DPY19L1: variants seen among roughly 807,000 people sequenced by gnomAD.
The protein encoded by DPY19L1 is dpy-19 like C-mannosyltransferase 1.
DPY19L1 carries 35 observed loss-of-function variants against 96.9 expected under a neutral mutation model. The ratio of observed to expected loss-of-function variants is 0.36; its 90% CI spans 0.28 to 0.48. The LOEUF is 0.48. DPY19L1 is among the 20% of genes least tolerant of loss of function. The probability of loss-of-function intolerance (pLI) is 0.99; values close to 1 mark genes in which losing one functional copy is unlikely to be tolerated. For synonymous variants in DPY19L1, 205 were observed against 252.6 expected (o/e 0.81, Z 1.79); for missense variants, 521 against 777.9 (o/e 0.67, Z 3.93).
At chr7:34,967,329 A>G (rs1784632512) in intron 9 of DPY19L1, among the ~76,000 whole-genome samples, 1 of 152,192 alleles carries the variant, frequency 6.6e-6, no homozygotes, top group Non-Finnish European at 1.5e-5. Flanking sequence ...CAACTAATAC[A>G]TAATTGGGGA....
At position 34,990,029 on chromosome 7, in the gene DPY19L1, GTATTA is replaced by G. The variant is rs1482147129; in HGVS notation, c.765-93_765-89del. On this transcript the variant is annotated intron_variant, in intron 6 of 21. Transcript: ENST00000638088. ...AAAACACATAATATCATAACCACTG[GTATTA>G]TATAAGATTTTATAGTCATACTAGA... The G allele has an allele frequency of 9.0e-6, 9 of 995,472 alleles. No individual in the cohort carries two copies. In the African/African-American group the frequency reaches 1.5e-4, roughly 17 times the overall value. 61.7% of individuals were successfully genotyped at this position (995,472 alleles called of 1,614,324 possible). A position where few individuals can be genotyped will look rare whatever the true frequency, so the allele number is the denominator to read the frequency against.
At chr7:34,945,853 A>C in intron 15 of DPY19L1, 137 bp from the exon 16 acceptor site, 1 of 659,804 alleles carries the variant, frequency 1.5e-6, no homozygotes, top group Non-Finnish European at 2.7e-6. Context: ...AATAATCACA[A>C]CAACATAATC....
At chr7:34,956,305 T>C (rs1018827085) in intron 11 of DPY19L1, among the ~76,000 whole-genome samples, 2 of 146,384 alleles carry the variant, frequency 1.4e-5, no homozygotes, top group East Asian at 2.0e-4. Flanking sequence ...ACTGAGTACT[T>C]TGTCACCTTT....
chr7:34,986,183 C>G (rs2128671375), intron 7 of DPY19L1, among the ~76,000 whole-genome samples: 1 of 152,056 alleles, frequency 6.6e-6, no homozygotes, highest in Middle Eastern at 3.4e-3. Context: ...AGATGTTGAT[C>G]CACAGATATA....
rs565230844 is a variant in DPY19L1, at chr7:34,967,472, TATA to T, written c.1015-504_1015-502del. ...TTAATACAAATATTCAAGAGTTAGT[TATA>T]ATCAAATTTATCAATTTCAAATTAA... On this transcript the variant is annotated intron_variant, in intron 9 of 21. Transcript: ENST00000638088. Among the ~76,000 whole-genome samples the T allele has an allele frequency of 9.8e-4, 149 of 152,324 alleles. 1 individual carries two copies. The highest frequency in any genetic ancestry group is 7.9e-3 in the South Asian group (38 of 4,826).
intron 7 of DPY19L1, among the ~76,000 whole-genome samples, chr7:34,989,514 G>A (rs62461958): frequency 0.2 from 29,805 of 151,860 alleles, 3,297 homozygotes; most frequent in Admixed American, 0.35. Flanking sequence ...TACTCTGGAA[G>A]CTGATTCTGA....
chr7:34,988,297 A>G (rs1054138972), intron 7 of DPY19L1: 40 of 152,198 alleles, frequency 2.6e-4, no homozygotes, highest in African/African-American at 8.4e-4. Flanking sequence ...GTTAACACAC[A>G]ATGCTTCTTT....
chr7:34,985,165 G>A (rs1314940702), intron 7 of DPY19L1, among the ~76,000 whole-genome samples: 1 of 152,120 alleles, frequency 6.6e-6, no homozygotes, highest in Non-Finnish European at 1.5e-5. Context: ...TGTCTTCTTT[G>A]AAATGCTACT....
At chr7:34,959,676 G>A (rs1784450251) in intron 10 of DPY19L1, among the ~76,000 whole-genome samples, 1 of 148,644 alleles carries the variant, frequency 6.7e-6, no homozygotes, top group Non-Finnish European at 1.5e-5. Flanking sequence ...AGAACACATG[G>A]ACACAGGGAG....
intron 6 of DPY19L1, among the ~76,000 whole-genome samples, chr7:34,999,178 C>T (rs13309938): frequency 6.6e-6 from 1 of 152,046 alleles, no homozygotes; most frequent in Non-Finnish European, 1.5e-5. Flanking sequence ...TGACCTTTTA[C>T]GGGACTAAAG....
chr7:35,022,571 C>T (rs1231008597), intron 1 of DPY19L1, among the ~76,000 whole-genome samples: 1 of 152,204 alleles, frequency 6.6e-6, no homozygotes, highest in Admixed American at 6.5e-5. Context: ...TTACTAGACT[C>T]TTGTTTAAAC....
At chr7:35,002,443 G>T (rs187729988) in intron 6 of DPY19L1, among the ~76,000 whole-genome samples, 9 of 152,034 alleles carry the variant, frequency 5.9e-5, no homozygotes, top group African/African-American at 2.2e-4. Context: ...GGAAAAAAAA[G>T]AAAATTAGAG....
chr7:34,987,575 A>C (rs563641868), intron 7 of DPY19L1, among the ~76,000 whole-genome samples: 1 of 152,112 alleles, frequency 6.6e-6, no homozygotes, highest in Admixed American at 6.6e-5. Context: ...GTAACAATTG[A>C]GAACTATTCT....
intron 6 of DPY19L1, among the ~76,000 whole-genome samples, chr7:35,007,243 G>A (rs1295373492): frequency 6.6e-6 from 1 of 152,146 alleles, no homozygotes; most frequent in African/African-American, 2.4e-5. Flanking sequence ...TTCAGTTAAC[G>A]ATGCCTTTGA....
At chr7:34,973,691 T>C in intron 7 of DPY19L1, 86 bp from the exon 8 acceptor site, 1 of 675,762 alleles carries the variant, frequency 1.5e-6, no homozygotes, top group Non-Finnish European at 2.2e-6. Flanking sequence ...AATAAAATTA[T>C]TTTTAACAAA....
chr7:34,992,370 A>G (rs533949576), intron 6 of DPY19L1, among the ~76,000 whole-genome samples: 1 of 152,276 alleles, frequency 6.6e-6, no homozygotes, highest in Non-Finnish European at 1.5e-5. Context: ...ATAACATTTA[A>G]AAGCTGTCCA....
At chr7:34,955,277 A>AATT (rs1348279602) in intron 12 of DPY19L1, 31 bp downstream of exon 12, 1 of 1,557,812 alleles carries the variant, frequency 6.4e-7, no homozygotes, top group African/African-American at 1.4e-5. Context: ...GAGAAGAAAA[A>AATT]ACATAAGCAT....
intron 1 of DPY19L1, 31 bp downstream of exon 1, chr7:35,037,066 T>C: frequency 4.7e-6 from 1 of 212,232 alleles, no homozygotes; most frequent in Non-Finnish European, 9.4e-6. Context: ...AAGTTCCGCG[T>C]CCCGGCGGCG....
chr7:35,006,070 G>C (rs911109652), intron 6 of DPY19L1, among the ~76,000 whole-genome samples: 1 of 152,148 alleles, frequency 6.6e-6, no homozygotes, highest in African/African-American at 2.4e-5. Context: ...CAGCTAGTCA[G>C]AGTATTTCTG....
Sources: gnomAD v4.1 joint callset for allele counts (sites outside exome capture counted in the v4.1 genomes callset) on GRCh38, gnomAD v4.1.1 for gene constraint, MANE v1.5 for transcripts, NCBI Gene and HGNC (gene_info 2026-07-23, HGNC 2026-07-21) for gene names.